Variants in ZFPM2 observed in about 807,000 individuals in gnomAD.
ZFPM2 encodes the protein zinc finger protein, FOG family member 2, also known as zinc finger protein ZFPM2.
In ZFPM2, 20 loss-of-function variants were observed where a neutral mutation model predicts 98.6. The observed-to-expected ratio is 0.20, with a 90% CI of 0.14 to 0.29. The LOEUF (loss-of-function observed/expected upper bound fraction) is 0.29, where lower values mean the gene tolerates loss of function less well. Among genes scored for constraint, ZFPM2 ranks in the 10% least tolerant of loss-of-function variants. ZFPM2 has a pLI of 1.00. For missense variants in ZFPM2, 1,310 were observed against 1,388.6 expected (o/e 0.94, Z 0.90); for synonymous variants, 518 against 502.7 (o/e 1.03, Z -0.41).
chr8:105,483,629 T>TA (rs1158202709), intron 3 of ZFPM2, among the ~76,000 whole-genome samples: 1 of 152,026 alleles, frequency 6.6e-6, no homozygotes, highest in Non-Finnish European at 1.5e-5. Context: ...TGATTTCTCA[T>TA]AGATCTTTGA....
chr8:105,392,065 A>G (rs1364825850), intron 1 of ZFPM2, among the ~76,000 whole-genome samples: 2 of 152,176 alleles, frequency 1.3e-5, no homozygotes, highest in East Asian at 1.9e-4. Flanking sequence ...TGCAGAATGG[A>G]TTTTTGTTAC....
At chr8:105,592,886 A>G (rs1815880804) in intron 4 of ZFPM2, among the ~76,000 whole-genome samples, 1 of 152,188 alleles carries the variant, frequency 6.6e-6, no homozygotes, top group Non-Finnish European at 1.5e-5. Context: ...AGAAATGATT[A>G]GAGCTGCTTG....
chr8:105,687,962 A>G (rs1810779382), intron 5 of ZFPM2, among the ~76,000 whole-genome samples: 1 of 152,088 alleles, frequency 6.6e-6, no homozygotes, highest in Admixed American at 6.5e-5. Context: ...AATAAAGTTG[A>G]GTGAATTAAT....
intron 4 of ZFPM2, among the ~76,000 whole-genome samples, chr8:105,603,189 C>T (rs1256707163): frequency 6.6e-6 from 1 of 152,030 alleles, no homozygotes; most frequent in Non-Finnish European, 1.5e-5. Context: ...TTGGTTACCT[C>T]ACATAAAAAG....
At chr8:105,542,457 T>G (rs1276995097) in intron 3 of ZFPM2, among the ~76,000 whole-genome samples, 1 of 152,192 alleles carries the variant, frequency 6.6e-6, no homozygotes, top group Non-Finnish European at 1.5e-5. Flanking sequence ...TCTTAAATAT[T>G]TACAGTTGTC....
chr8:105,763,235 G>T (rs1812774032), intron 5 of ZFPM2, among the ~76,000 whole-genome samples: 1 of 151,676 alleles, frequency 6.6e-6, no homozygotes, highest in African/African-American at 2.4e-5. Flanking sequence ...TAGATTTCTA[G>T]CATACAGAAT....
chr8:105,650,770 A>G (rs532238271), intron 5 of ZFPM2, among the ~76,000 whole-genome samples: 1 of 152,200 alleles, frequency 6.6e-6, no homozygotes, highest in East Asian at 1.9e-4. Context: ...GTTCTTTTAC[A>G]TTTGCTGAGG....
At chr8:105,728,435 G>T (rs1206993912) in intron 5 of ZFPM2, among the ~76,000 whole-genome samples, 6 of 151,718 alleles carry the variant, frequency 4.0e-5, no homozygotes, top group African/African-American at 1.5e-4. Flanking sequence ...TCATGAAACT[G>T]CTATCTGGAA....
rs751723461 is a variant in ZFPM2, at chr8:105,669,412, AAT to A, written c.532+35070_532+35071del. On this transcript the variant is annotated intron_variant, in intron 5 of 7. Transcript: ENST00000407775. Reference sequence around the variant, plus strand: ...ATGGTTTAATGTCTAATTTGGGGCAAATATATATATATATATTTATATATATA... The same window carrying A: ...ATGGTTTAATGTCTAATTTGGGGCAAATATATATATATATTTATATATATA... Among the ~76,000 whole-genome samples the A allele has an allele frequency of 9.6e-4, 143 of 148,658 alleles. 1 individual carries two copies. In the East Asian group the frequency reaches 0.012, roughly 12 times the overall value.
intron 2 of ZFPM2, among the ~76,000 whole-genome samples, chr8:105,421,304 T>C (rs1395287555): frequency 1.3e-5 from 2 of 152,120 alleles, no homozygotes; most frequent in African/African-American, 4.8e-5. Context: ...TAATATTTAG[T>C]ATATGATATA....
chr8:105,557,111 A>C (rs1320778251), intron 3 of ZFPM2, among the ~76,000 whole-genome samples: 1 of 152,092 alleles, frequency 6.6e-6, no homozygotes, highest in Non-Finnish European at 1.5e-5. Flanking sequence ...CTTGGTGTCT[A>C]TGGTACTATA....
chr8:105,528,350 C>T (rs572823734), intron 3 of ZFPM2, among the ~76,000 whole-genome samples: 26 of 151,938 alleles, frequency 1.7e-4, no homozygotes, highest in South Asian at 1.3e-3. Context: ...GTTGGGAAGT[C>T]GTGGGAGACT....
At chr8:105,601,197 C>G (rs751197642) in intron 4 of ZFPM2, among the ~76,000 whole-genome samples, 7 of 152,082 alleles carry the variant, frequency 4.6e-5, no homozygotes, top group Non-Finnish European at 1.0e-4. Context: ...TAATAGCCAG[C>G]AGTCTTTTTT....
chr8:105,758,596 G>C (rs936254602), intron 5 of ZFPM2, among the ~76,000 whole-genome samples: 1 of 152,086 alleles, frequency 6.6e-6, no homozygotes, highest in East Asian at 1.9e-4. Flanking sequence ...TCAGTCATTT[G>C]ATTTTTTTTA....
chr8:105,562,751 T>C (rs1322085392), intron 4 of ZFPM2, among the ~76,000 whole-genome samples: 1 of 152,200 alleles, frequency 6.6e-6, no homozygotes, highest in African/African-American at 2.4e-5. Flanking sequence ...TTACACTGTG[T>C]CTGCCTGGGT....
chr8:105,330,538 C>CTCTCTATATATATACATA (rs1554594944), intron 1 of ZFPM2, among the ~76,000 whole-genome samples: 2 of 100,128 alleles, frequency 2.0e-5, no homozygotes, highest in African/African-American at 7.9e-5. Flanking sequence ...CTCTCTCTCT[C>CTCTCTATATATATACATA]TATATATATA....
intron 5 of ZFPM2, among the ~76,000 whole-genome samples, chr8:105,725,703 C>G (rs1243159595): frequency 6.6e-6 from 1 of 151,722 alleles, no homozygotes; most frequent in Non-Finnish European, 1.5e-5. Flanking sequence ...CTATGACTTA[C>G]TAGCATTTTA....
chr8:105,500,282 TA>T (rs1416371624), intron 3 of ZFPM2, among the ~76,000 whole-genome samples: 1 of 152,204 alleles, frequency 6.6e-6, no homozygotes, highest in East Asian at 1.9e-4. Context: ...CTTTAGAAAT[TA>T]TCGATACAAT....
chr8:105,512,741 A>C (rs1813841890), intron 3 of ZFPM2, among the ~76,000 whole-genome samples: 1 of 152,190 alleles, frequency 6.6e-6, no homozygotes. Context: ...GTTTTTCTGT[A>C]GATTAATTGG....
Sources: allele counts gnomAD v4.1 joint callset (sites outside exome capture counted in the v4.1 genomes callset), GRCh38; gene constraint gnomAD v4.1.1; transcripts MANE v1.5; gene names NCBI Gene and HGNC (gene_info 2026-07-23, HGNC 2026-07-21).